The following ANK3 variants were observed in gnomAD, a reference collection of about 807,000 sequenced individuals.
The protein encoded by ANK3 is ankyrin 3.
In ANK3, 57 loss-of-function variants were observed where a neutral mutation model predicts 370.9. That is an observed-to-expected ratio of 0.15 (90% CI 0.12 to 0.19). ANK3 has a LOEUF of 0.19. ANK3 is among the 10% of genes least tolerant of loss of function. The pLI, the probability that ANK3 is intolerant of heterozygous loss-of-function variation, is 1.00. For missense variants in ANK3, 4,439 were observed against 5,302.1 expected, an observed-to-expected ratio of 0.84 and a Z score of 5.06; for synonymous variants, 1,929 against 1,946.3, an observed-to-expected ratio of 0.99 and a Z score of 0.23.
intron 2 of ANK3, among the ~76,000 whole-genome samples, chr10:60,545,468 T>A (rs2076942970): frequency 6.6e-6 from 1 of 151,800 alleles, no homozygotes; most frequent in Non-Finnish European, 1.5e-5. Context: ...CTACAAATAC[T>A]TCATAGAGTT....
At chr10:60,420,675 C>T (rs1009649735) in intron 2 of ANK3, among the ~76,000 whole-genome samples, 1 of 151,998 alleles carries the variant, frequency 6.6e-6, no homozygotes, top group Non-Finnish European at 1.5e-5. Flanking sequence ...ATCCTGTTGT[C>T]CCCTAAATGA....
chr10:60,274,983 T>C (rs1470966261), intron 4 of ANK3, among the ~76,000 whole-genome samples: 1 of 152,178 alleles, frequency 6.6e-6, no homozygotes, highest in Non-Finnish European at 1.5e-5. Flanking sequence ...ATTAACTCAA[T>C]GTGTTGTCAT....
rs376679935 is a variant in ANK3 at position 60,073,780 on chromosome 10, C to T, written c.7101G>A (p.Arg2367=). ...EMYVYQKDLS[R]GDINLKDFLP... is the part of the protein sequence containing the mutation. ...GAAAATCTTTTAGGTTAATATCTCC[C>T]CGGGATAAGTCTTTCTGATATACAT... is the stretch of plus-strand genomic sequence containing the variant. The change falls in exon 37 of 44, where the codon CGG becomes CGA. Residue 2367 remains arginine, a synonymous_variant. Coordinates refer to ENST00000280772, the MANE Select transcript of ANK3 (RefSeq NM_020987.5). The T allele has an allele frequency of 6.2e-7, 1 of 1,613,550 alleles. No individual in the cohort carries two copies. The highest frequency in any genetic ancestry group is 1.3e-5 in the African/African-American group (1 of 74,848).
At chr10:60,030,387 C>T (rs2073180405) in intron 43 of ANK3, among the ~76,000 whole-genome samples, 1 of 152,122 alleles carries the variant, frequency 6.6e-6, no homozygotes, top group Non-Finnish European at 1.5e-5. Flanking sequence ...CGTGAGCCGC[C>T]CACCTTGGCC....
At chr10:60,588,371 G>T (rs558526013) in intron 2 of ANK3, among the ~76,000 whole-genome samples, 3 of 151,556 alleles carry the variant, frequency 2.0e-5, no homozygotes. Context: ...TTTTAGTAGA[G>T]ACAGGGTTTC....
chr10:60,131,750 T>C (rs1216663158), intron 25 of ANK3, among the ~76,000 whole-genome samples: 2 of 152,230 alleles, frequency 1.3e-5, no homozygotes, highest in East Asian at 3.9e-4. Context: ...AGGTGGGTGG[T>C]AGAGTAACTA....
At chr10:60,604,004 G>A (rs1366863117) in intron 2 of ANK3, among the ~76,000 whole-genome samples, 1 of 152,110 alleles carries the variant, frequency 6.6e-6, no homozygotes, top group Non-Finnish European at 1.5e-5. Flanking sequence ...TATTGGAAAG[G>A]CAAAATCTGT....
chr10:60,532,003 G>T (rs1452870826), intron 2 of ANK3, among the ~76,000 whole-genome samples: 1 of 152,140 alleles, frequency 6.6e-6, no homozygotes, highest in Non-Finnish European at 1.5e-5. Context: ...CATCTGGAAG[G>T]TGTATTTTAA....
At chr10:60,393,587 G>T (rs1029168043), upstream of ANK3, among the ~76,000 whole-genome samples, 1 of 152,114 alleles carries the variant, frequency 6.6e-6, no homozygotes, top group Non-Finnish European at 1.5e-5. Flanking sequence ...AGCCAAATCA[G>T]TTCATTAGGA....
At chr10:60,084,179 G>A (rs969621684) in intron 32 of ANK3, 1 of 153,982 alleles carries the variant, frequency 6.5e-6, no homozygotes, top group African/African-American at 2.4e-5. Flanking sequence ...GGCCAAGGTG[G>A]GTGGATCACG....
At chr10:60,205,237 T>G (rs1333333691) in intron 11 of ANK3, among the ~76,000 whole-genome samples, 1 of 152,194 alleles carries the variant, frequency 6.6e-6, no homozygotes, top group Non-Finnish European at 1.5e-5. Flanking sequence ...ATTTTGAGTT[T>G]TAAGACAGAG....
At chr10:60,213,074 C>T (rs2096881667) in intron 9 of ANK3, among the ~76,000 whole-genome samples, 2 of 152,044 alleles carry the variant, frequency 1.3e-5, no homozygotes, top group African/African-American at 4.8e-5. Flanking sequence ...CTGAAGATAG[C>T]CGGCACCCAA....
chr10:60,185,580 C>G (rs1337329143), intron 17 of ANK3, among the ~76,000 whole-genome samples: 1 of 152,170 alleles, frequency 6.6e-6, no homozygotes, highest in East Asian at 1.9e-4. Flanking sequence ...CAACATAAGA[C>G]TATTGCTATT....
chr10:60,474,793 G>C (rs183826003), intron 2 of ANK3, among the ~76,000 whole-genome samples: 109 of 151,026 alleles, frequency 7.2e-4, no homozygotes, highest in African/African-American at 2.5e-3. Context: ...ACACATCTCT[G>C]TGTGTGTGTG....
At chr10:60,543,812 A>C (rs2076903602) in intron 2 of ANK3, among the ~76,000 whole-genome samples, 1 of 152,042 alleles carries the variant, frequency 6.6e-6, no homozygotes, top group Admixed American at 6.6e-5. Flanking sequence ...AATTGTCAAA[A>C]CCTTCAAAGT....
rs1351341642 is a variant in ANK3 at position 60,045,631 on chromosome 10, G to A, written c.13066-2872C>T. On this transcript the variant is annotated intron_variant, in intron 42 of 43. Transcript: ENST00000280772. ...TTACTGAAAAGGTGAAATGGATAAT[G>A]CTGCTTGGCAGTGTACAGATGTGGT... Among the ~76,000 whole-genome samples the A allele has an allele frequency of 2.0e-5, 3 of 152,208 alleles. No individual in the cohort carries two copies. The East Asian group carries it at 5.8e-4, about 29-fold the overall frequency.
At chr10:60,585,847 A>G (rs1297355565) in intron 2 of ANK3, among the ~76,000 whole-genome samples, 2 of 152,016 alleles carry the variant, frequency 1.3e-5, no homozygotes, top group African/African-American at 4.8e-5. Flanking sequence ...GACACAGTGA[A>G]ACTCTGTCTC....
chr10:60,185,693 T>C (rs1274658900), intron 17 of ANK3, among the ~76,000 whole-genome samples: 1 of 152,166 alleles, frequency 6.6e-6, no homozygotes, highest in Non-Finnish European at 1.5e-5. Flanking sequence ...GGGGAGGTTA[T>C]CAGAATCTGA....
intron 24 of ANK3, among the ~76,000 whole-genome samples, chr10:60,136,629 T>A (rs1004270476): frequency 2.0e-5 from 3 of 152,218 alleles, no homozygotes; most frequent in African/African-American, 2.4e-5. Flanking sequence ...CCTCCTTCTT[T>A]TAATTTCTCT....
Sources: allele counts gnomAD v4.1 joint callset (sites outside exome capture counted in the v4.1 genomes callset), GRCh38; gene constraint gnomAD v4.1.1; transcripts MANE v1.5; gene names NCBI Gene and HGNC (gene_info 2026-07-23, HGNC 2026-07-21).